NAV3: variants seen among roughly 807,000 people sequenced by gnomAD.
NAV3 encodes pore membrane and/or filament interacting like protein 1.
In NAV3, 87 loss-of-function variants were observed where a neutral mutation model predicts 244.7. The ratio of observed to expected loss-of-function variants is 0.36; its 90% CI spans 0.30 to 0.42. The LOEUF is 0.42. NAV3 is among the 20% of genes least tolerant of loss of function. NAV3 has a pLI of 1.00. For missense variants in NAV3, 2,663 were observed against 2,893.3 expected (o/e 0.92, Z 1.83); for synonymous variants, 1,126 against 1,042.2 (o/e 1.08, Z -1.55).
At chr12:78,200,703 A>T in intron 38 of NAV3, 112 bp downstream of exon 38, 1 of 534,608 alleles carries the variant, frequency 1.9e-6, no homozygotes. Context: ...TAAAGGCATG[A>T]ACTATATGAA....
intron 3 of NAV3, among the ~76,000 whole-genome samples, chr12:77,949,558 T>A (rs147870300): frequency 0.014 from 2,111 of 152,088 alleles, 29 homozygotes; most frequent in Non-Finnish European, 0.023. Context: ...TTATAGCAAA[T>A]TTAAGTTCAC....
intron 3 of NAV3, among the ~76,000 whole-genome samples, chr12:77,941,533 G>A (rs1051368528): frequency 1.3e-5 from 2 of 152,132 alleles, no homozygotes; most frequent in South Asian, 4.1e-4. Context: ...ACAAAGTCCA[G>A]TGTAAACACA....
intron 5 of NAV3, among the ~76,000 whole-genome samples, chr12:77,991,980 G>A (rs972245500): frequency 1.3e-4 from 20 of 151,736 alleles, no homozygotes; most frequent in Admixed American, 1.0e-3. Flanking sequence ...GCAGTGAGCC[G>A]AGATTACGCC....
At chr12:77,641,465 T>TA (rs1238259930) in intron 2 of NAV3, among the ~76,000 whole-genome samples, 3 of 152,132 alleles carry the variant, frequency 2.0e-5, no homozygotes, top group African/African-American at 7.2e-5. Context: ...CAATGAAAGA[T>TA]ATACAGTTTT....
At chr12:78,043,648 A>G (rs956415902) in intron 9 of NAV3, among the ~76,000 whole-genome samples, 4 of 152,102 alleles carry the variant, frequency 2.6e-5, no homozygotes, top group African/African-American at 9.7e-5. Context: ...ATGGTATCTC[A>G]TTGTGGTTTT....
chr12:77,803,448 G>A (rs183501942), intron 2 of NAV3, among the ~76,000 whole-genome samples: 93 of 152,248 alleles, frequency 6.1e-4, no homozygotes, highest in African/African-American at 2.1e-3. Context: ...CCCTGCATGG[G>A]ACATGAACTC....
chr12:77,738,786 G>A (rs1196926835), intron 2 of NAV3, among the ~76,000 whole-genome samples: 2 of 152,046 alleles, frequency 1.3e-5, no homozygotes, highest in Admixed American at 6.5e-5. Flanking sequence ...CGAGGTAGGC[G>A]GATCACGAGG....
At chr12:77,844,574 T>A (rs1876296304) in intron 1 of NAV3, among the ~76,000 whole-genome samples, 2 of 152,302 alleles carry the variant, frequency 1.3e-5, no homozygotes, top group South Asian at 4.1e-4. Context: ...AAATAAAAAA[T>A]TTCTCACTAA....
At chr12:77,689,691 G>T (rs182417395) in intron 2 of NAV3, among the ~76,000 whole-genome samples, 3 of 151,750 alleles carry the variant, frequency 2.0e-5, no homozygotes, top group South Asian at 4.1e-4. Context: ...TGAGGTAAAG[G>T]TTTATCATAA....
chr12:78,003,460 T>C (rs1873675408), intron 7 of NAV3, among the ~76,000 whole-genome samples: 1 of 152,240 alleles, frequency 6.6e-6, no homozygotes. Context: ...ATGGTGCTTT[T>C]GTCATCATTT....
At chr12:77,673,436 G>A (rs1010576161) in intron 2 of NAV3, among the ~76,000 whole-genome samples, 7 of 151,988 alleles carry the variant, frequency 4.6e-5, no homozygotes, top group Non-Finnish European at 1.0e-4. Flanking sequence ...AACTGTTAAG[G>A]TTTTCTTTTA....
chr12:78,168,362 A>G (rs774106017), intron 23 of NAV3, among the ~76,000 whole-genome samples: 1 of 151,892 alleles, frequency 6.6e-6, no homozygotes, highest in African/African-American at 2.4e-5. Flanking sequence ...GACAATAAAT[A>G]CAATACAATG....
At chr12:78,100,089 A>G (rs2138191140) in intron 12 of NAV3, among the ~76,000 whole-genome samples, 1 of 152,064 alleles carries the variant, frequency 6.6e-6, no homozygotes, top group Admixed American at 6.5e-5. Flanking sequence ...CAAAACCCAC[A>G]TGGTATTAAT....
chr12:77,897,853 T>C (rs1365210500), intron 1 of NAV3, among the ~76,000 whole-genome samples: 1 of 152,184 alleles, frequency 6.6e-6, no homozygotes, highest in African/African-American at 2.4e-5. Flanking sequence ...TCTTTGTATT[T>C]ACCATGGATT....
At chr12:78,158,886 C>T (rs548983378) in intron 22 of NAV3, among the ~76,000 whole-genome samples, 7 of 152,188 alleles carry the variant, frequency 4.6e-5, no homozygotes, top group African/African-American at 1.4e-4. Context: ...ACTTTATATT[C>T]GGCATTTTGA....
intron 2 of NAV3, among the ~76,000 whole-genome samples, chr12:77,632,843 A>G (rs1871975194): frequency 6.6e-6 from 1 of 152,138 alleles, no homozygotes; most frequent in Non-Finnish European, 1.5e-5. Context: ...TTAGATAATT[A>G]TATAGTGGAT....
chr12:78,054,563 A>G (rs1032726026), intron 11 of NAV3, among the ~76,000 whole-genome samples: 1 of 152,204 alleles, frequency 6.6e-6, no homozygotes, highest in African/African-American at 2.4e-5. Context: ...CGGGGGTTCA[A>G]TTTCAGGAAC....
intron 9 of NAV3, among the ~76,000 whole-genome samples, chr12:78,045,576 A>T (rs142891502): frequency 2.1e-3 from 313 of 152,276 alleles, no homozygotes; most frequent in African/African-American, 7.2e-3. Context: ...TACAGGCATG[A>T]GCCACTGCAC....
At chr12:77,859,193 C>T (rs1878834411) in intron 1 of NAV3, among the ~76,000 whole-genome samples, 2 of 151,976 alleles carry the variant, frequency 1.3e-5, no homozygotes, top group South Asian at 2.1e-4. Context: ...AATAAAATTT[C>T]AGTGCAATTG....
Sources: allele counts gnomAD v4.1 joint callset (sites outside exome capture counted in the v4.1 genomes callset), GRCh38; gene constraint gnomAD v4.1.1; transcripts MANE v1.5; gene names NCBI Gene and HGNC (gene_info 2026-07-23, HGNC 2026-07-21).